Variants in SLC35F4 observed in about 807,000 individuals in gnomAD.
SLC35F4 encodes the protein chromosome 14 open reading frame 36.
SLC35F4 carries 24 observed loss-of-function variants against 44.2 expected under a neutral mutation model. The ratio of observed to expected loss-of-function variants is 0.54; its 90% CI spans 0.39 to 0.76. The LOEUF is 0.76. Among genes scored for constraint, SLC35F4 ranks in the 30% least tolerant of loss-of-function variants. SLC35F4 has a pLI of 0.00. For synonymous variants in SLC35F4, 238 were observed against 223.6 expected (o/e 1.06, Z -0.57); for missense variants, 562 against 586.1 (o/e 0.96, Z 0.42).
At chr14:57,606,157 A>C (rs776334964) in intron 1 of SLC35F4, among the ~76,000 whole-genome samples, 4 of 152,170 alleles carry the variant, frequency 2.6e-5, no homozygotes, top group Non-Finnish European at 5.9e-5. Context: ...GAAGAAAACA[A>C]AACTAAAAGT....
At chr14:57,867,602 AC>A (rs11372858), upstream of SLC35F4, among the ~76,000 whole-genome samples, 138 of 148,098 alleles carry the variant, frequency 9.3e-4, no homozygotes, top group African/African-American at 3.1e-3. Flanking sequence ...ATGCCTTTAC[AC>A]CCCCCCCCAC....
chr14:57,880,122 TTGAAA>T (rs1259048716), intron 1 of SLC35F4, among the ~76,000 whole-genome samples: 2 of 151,582 alleles, frequency 1.3e-5, no homozygotes, highest in African/African-American at 4.9e-5. Flanking sequence ...AGTAGATCTT[TTGAAA>T]TATTTTCAGG....
chr14:57,730,287 C>T (rs578216819), intron 1 of SLC35F4, among the ~76,000 whole-genome samples: 1 of 152,236 alleles, frequency 6.6e-6, no homozygotes, highest in Admixed American at 6.5e-5. Flanking sequence ...GCTTCTATTC[C>T]ACCATCTTTC....
chr14:57,617,392 A>C (rs1392009154), intron 1 of SLC35F4, among the ~76,000 whole-genome samples: 2 of 151,898 alleles, frequency 1.3e-5, no homozygotes, highest in Non-Finnish European at 2.9e-5. Context: ...AGCCTCCCAA[A>C]GTGCTGGGAT....
At chr14:57,801,850 TACAA>T (rs895979960) in intron 1 of SLC35F4, among the ~76,000 whole-genome samples, 4 of 152,156 alleles carry the variant, frequency 2.6e-5, no homozygotes, top group African/African-American at 4.8e-5. Flanking sequence ...CTTAGAGACC[TACAA>T]ACAGACTTAG....
At chr14:57,784,612 C>T (rs7150544) in intron 1 of SLC35F4, among the ~76,000 whole-genome samples, 8 of 151,886 alleles carry the variant, frequency 5.3e-5, no homozygotes, top group Non-Finnish European at 7.4e-5. Context: ...AGGAGGTTGA[C>T]GCTGCAGTAA....
At chr14:57,972,213 T>C (rs959602001), downstream of SLC35F4, among the ~76,000 whole-genome samples, 1 of 152,170 alleles carries the variant, frequency 6.6e-6, no homozygotes, top group Non-Finnish European at 1.5e-5. Flanking sequence ...TTGTAGATCA[T>C]AGAAGTGTTT....
intron 1 of SLC35F4, among the ~76,000 whole-genome samples, chr14:57,878,594 C>T (rs1054535123): frequency 3.3e-5 from 5 of 152,204 alleles, no homozygotes; most frequent in African/African-American, 4.8e-5. Flanking sequence ...GGAACACTCT[C>T]TCCCTCAACT....
At chr14:57,771,139 A>G (rs1475189145) in intron 1 of SLC35F4, among the ~76,000 whole-genome samples, 1 of 152,122 alleles carries the variant, frequency 6.6e-6, no homozygotes, top group Non-Finnish European at 1.5e-5. Flanking sequence ...TATTCTTCTA[A>G]GGACTCTTCT....
At chr14:57,784,083 A>G (rs2077696959) in intron 1 of SLC35F4, among the ~76,000 whole-genome samples, 1 of 152,200 alleles carries the variant, frequency 6.6e-6, no homozygotes, top group Non-Finnish European at 1.5e-5. Context: ...AGATATGGAA[A>G]TGGCAAAAAA....
At chr14:57,723,288 C>A (rs2076128819) in intron 1 of SLC35F4, among the ~76,000 whole-genome samples, 1 of 152,168 alleles carries the variant, frequency 6.6e-6, no homozygotes, top group Non-Finnish European at 1.5e-5. Context: ...GGCTCCCTGA[C>A]TGGTATTATG....
intron 1 of SLC35F4, among the ~76,000 whole-genome samples, chr14:57,889,341 T>A (rs928090718): frequency 6.6e-6 from 1 of 152,216 alleles, no homozygotes; most frequent in African/African-American, 2.4e-5. Flanking sequence ...TCTTGGCTTA[T>A]TCTAACTGGG....
intron 1 of SLC35F4, among the ~76,000 whole-genome samples, chr14:57,757,799 C>G (rs116675785): frequency 0.02 from 3,103 of 152,170 alleles, 89 homozygotes; most frequent in African/African-American, 0.07. Flanking sequence ...AAACATTTTA[C>G]ATATTTAGTC....
intron 1 of SLC35F4, among the ~76,000 whole-genome samples, chr14:57,849,468 A>T (rs1886351527): frequency 7.5e-6 from 1 of 133,858 alleles, no homozygotes; most frequent in Non-Finnish European, 1.5e-5. Flanking sequence ...AGCCCACAAA[A>T]ATTTTTTTTT....
intron 1 of SLC35F4, among the ~76,000 whole-genome samples, chr14:57,755,292 A>G (rs1321528257): frequency 6.6e-6 from 1 of 152,158 alleles, no homozygotes; most frequent in Non-Finnish European, 1.5e-5. Context: ...CTAAATGACA[A>G]TGCAGGGTGA....
chr14:57,694,125 A>G (rs1362742658), intron 1 of SLC35F4, among the ~76,000 whole-genome samples: 1 of 152,198 alleles, frequency 6.6e-6, no homozygotes, highest in African/African-American at 2.4e-5. Flanking sequence ...GTCAAGAAAT[A>G]GAACATTGGG....
intron 1 of SLC35F4, among the ~76,000 whole-genome samples, chr14:57,595,453 G>A (rs538021272): frequency 5.3e-5 from 8 of 152,024 alleles, no homozygotes; most frequent in East Asian, 3.9e-4. Context: ...TCTCTTCTTC[G>A]GTAGCCAGTC....
At chr14:57,877,617 G>GTAGTATA (rs1888425708) in intron 1 of SLC35F4, among the ~76,000 whole-genome samples, 1 of 145,982 alleles carries the variant, frequency 6.9e-6, no homozygotes, top group Admixed American at 6.9e-5. Flanking sequence ...ATTCCCACCA[G>GTAGTATA]TAGTATATAA....
chr14:57,896,165 T>G (rs1349190851), intron 1 of SLC35F4, among the ~76,000 whole-genome samples: 1 of 152,066 alleles, frequency 6.6e-6, no homozygotes. Flanking sequence ...GGAAGATAAG[T>G]GGAGATGCCA....
Sources: allele counts gnomAD v4.1 joint callset (sites outside exome capture counted in the v4.1 genomes callset), GRCh38; gene constraint gnomAD v4.1.1; transcripts MANE v1.5; gene names NCBI Gene and HGNC (gene_info 2026-07-23, HGNC 2026-07-21).